The following MACROD2 variants were observed in gnomAD, a reference collection of about 807,000 sequenced individuals.
The protein encoded by MACROD2 is mono-ADP ribosylhydrolase 2, also known as ADP-ribose glycohydrolase MACROD2.
A neutral mutation model predicts 70.4 loss-of-function variants in MACROD2; 36 were observed. That is an observed-to-expected ratio of 0.51 (90% CI 0.39 to 0.68). The LOEUF is 0.68. Among genes scored for constraint, MACROD2 ranks in the 30% least tolerant of loss-of-function variants. The probability of loss-of-function intolerance (pLI) is 0.00; values close to 1 mark genes in which losing one functional copy is unlikely to be tolerated. For synonymous variants in MACROD2, 172 were observed against 178.8 expected (o/e 0.96, Z 0.30); for missense variants, 496 against 538.4 (o/e 0.92, Z 0.78).
At chr20:15,893,689 C>G (rs1291561778) in intron 10 of MACROD2, 1 of 456,660 alleles carries the variant, frequency 2.2e-6, no homozygotes, top group East Asian at 6.9e-5. Flanking sequence ...GACCCAGAAG[C>G]GATAGAGCAG....
At chr20:15,591,100 A>G (rs1034432358) in intron 8 of MACROD2, among the ~76,000 whole-genome samples, 6 of 152,220 alleles carry the variant, frequency 3.9e-5, no homozygotes, top group Non-Finnish European at 4.4e-5. Flanking sequence ...AGCCAGGTAG[A>G]GGAGGATTGA....
At chr20:14,775,812 A>G (rs563723211) in intron 5 of MACROD2, among the ~76,000 whole-genome samples, 1 of 152,198 alleles carries the variant, frequency 6.6e-6, no homozygotes, top group African/African-American at 2.4e-5. Context: ...GATTATAAAA[A>G]ATTTTATATG....
intron 5 of MACROD2, chr20:14,888,725 A>G (rs1165170583): frequency 6.6e-6 from 1 of 152,220 alleles, no homozygotes; most frequent in Non-Finnish European, 1.5e-5. Context: ...GTTGCTGTGC[A>G]TGATAAACTT....
At chr20:16,036,427 A>G (rs944661258) in intron 15 of MACROD2, among the ~76,000 whole-genome samples, 1 of 151,998 alleles carries the variant, frequency 6.6e-6, no homozygotes, top group African/African-American at 2.4e-5. Flanking sequence ...AAAAATTGCT[A>G]TAATCAAGGG....
chr20:14,868,437 A>G (rs1416061644), intron 5 of MACROD2, among the ~76,000 whole-genome samples: 1 of 151,982 alleles, frequency 6.6e-6, no homozygotes, highest in African/African-American at 2.4e-5. Flanking sequence ...AAGTGCTGGG[A>G]TTACAGACAT....
intron 3 of MACROD2, among the ~76,000 whole-genome samples, chr20:14,129,473 G>T (rs939248369): frequency 1.3e-5 from 2 of 152,194 alleles, no homozygotes; most frequent in Non-Finnish European, 2.9e-5. Context: ...TCTAGTCCTG[G>T]TGAAGATGCT....
chr20:14,628,482 T>C (rs1288431661), intron 4 of MACROD2, among the ~76,000 whole-genome samples: 1 of 152,138 alleles, frequency 6.6e-6, no homozygotes, highest in Non-Finnish European at 1.5e-5. Flanking sequence ...TGTAGAGTGG[T>C]TGAAGATACC....
chr20:14,044,581 C>G lies in MACROD2; in HGVS notation c.164-41040C>G, dbSNP rs370908835. Among the ~76,000 whole-genome samples, 40 of 152,268 alleles carry G rather than the reference C, an allele frequency of 2.6e-4. 1 individual carries two copies. In the East Asian group the frequency reaches 3.5e-3, roughly 13 times the overall value. Reference sequence around the variant, plus strand: ...GACAGGGTGCTGATTGGTGTGTTTACAATCCCTGAGCTAGACCCAAAAGTT... The same window carrying G: ...GACAGGGTGCTGATTGGTGTGTTTAGAATCCCTGAGCTAGACCCAAAAGTT... On this transcript the variant is annotated intron_variant, in intron 2 of 17. Transcript: ENST00000684519.
chr20:15,380,400 A>G (rs76092183), intron 6 of MACROD2, among the ~76,000 whole-genome samples: 34 of 147,434 alleles, frequency 2.3e-4, no homozygotes, highest in South Asian at 8.5e-4. Context: ...CAGAAAAATG[A>G]AGATTAGGAA....
intron 8 of MACROD2, among the ~76,000 whole-genome samples, chr20:15,584,911 C>G (rs527477535): frequency 6.6e-6 from 1 of 152,346 alleles, no homozygotes; most frequent in South Asian, 2.1e-4. Context: ...TCATAGTCCT[C>G]TAGCTTGACA....
intron 8 of MACROD2, among the ~76,000 whole-genome samples, chr20:15,580,651 TC>T (rs1279154543): frequency 6.6e-6 from 1 of 152,180 alleles, no homozygotes; most frequent in Non-Finnish European, 1.5e-5. Flanking sequence ...GAAAACTTCC[TC>T]TTTACCCTCT....
chr20:15,199,854 G>A (rs1255175650), intron 5 of MACROD2, among the ~76,000 whole-genome samples: 1 of 152,094 alleles, frequency 6.6e-6, no homozygotes, highest in Non-Finnish European at 1.5e-5. Context: ...CATCCTCTAA[G>A]CATTTGGTCA....
At chr20:14,266,643 T>A (rs1343688586) in intron 3 of MACROD2, among the ~76,000 whole-genome samples, 1 of 152,182 alleles carries the variant, frequency 6.6e-6, no homozygotes, top group East Asian at 1.9e-4. Context: ...TAATACATAA[T>A]TTGGATTTTT....
intron 4 of MACROD2, among the ~76,000 whole-genome samples, chr20:14,644,917 G>A (rs1367217865): frequency 6.6e-6 from 1 of 152,092 alleles, no homozygotes; most frequent in African/African-American, 2.4e-5. Flanking sequence ...GGAAGGGAGT[G>A]TAGGCAGGAA....
At chr20:14,752,582 G>A (rs2071887627) in intron 5 of MACROD2, among the ~76,000 whole-genome samples, 1 of 152,024 alleles carries the variant, frequency 6.6e-6, no homozygotes, top group Non-Finnish European at 1.5e-5. Flanking sequence ...TCTGTTCTCT[G>A]CATTGGAGCC....
At chr20:15,144,660 C>T (rs959326110) in intron 5 of MACROD2, among the ~76,000 whole-genome samples, 1 of 152,094 alleles carries the variant, frequency 6.6e-6, no homozygotes, top group African/African-American at 2.4e-5. Flanking sequence ...TAAAAATAAT[C>T]AGGTAAATGT....
intron 8 of MACROD2, among the ~76,000 whole-genome samples, chr20:15,798,830 C>G (rs1236752442): frequency 1.3e-5 from 2 of 152,126 alleles, no homozygotes; most frequent in Non-Finnish European, 2.9e-5. Context: ...GGTATGACCA[C>G]TAAGTTTTAC....
chr20:15,862,741 C>G lies in MACROD2; in HGVS notation c.646-4C>G, dbSNP rs1000859284. 3.7e-6 allele frequency: 6 copies of G among 1,609,404 alleles called. No homozygotes were observed. The highest frequency in any genetic ancestry group is 5.1e-6 in the Non-Finnish European group (6 of 1,177,980). ...ACTTTGAGTGTTTTATCTTTTGCCT[C>G]TAGGTGGATCGGATCATTTTCTGTG... On this transcript the variant is annotated splice_region_variant and splice_polypyrimidine_tract_variant and intron_variant, in intron 8 of 17. Transcript: ENST00000684519.
At chr20:14,758,060 T>C in intron 5 of MACROD2, 1 of 605,220 alleles carries the variant, frequency 1.7e-6, no homozygotes, top group East Asian at 2.8e-5. Flanking sequence ...TCAATAAATT[T>C]GGAGAGGGTT....
Sources: gnomAD v4.1 joint callset for allele counts (sites outside exome capture counted in the v4.1 genomes callset) on GRCh38, gnomAD v4.1.1 for gene constraint, MANE v1.5 for transcripts, NCBI Gene and HGNC (gene_info 2026-07-23, HGNC 2026-07-21) for gene names.